Variants in LUC7L observed in about 807,000 individuals in gnomAD.
LUC7L encodes LUC7 like.
LUC7L carries 29 observed loss-of-function variants against 51.1 expected under a neutral mutation model. The ratio of observed to expected loss-of-function variants is 0.57; its 90% confidence interval spans 0.42 to 0.77. The LOEUF is 0.77. LUC7L is among the 30% of genes least tolerant of loss of function. The pLI is 0.00. For missense variants in LUC7L, 403 were observed against 511.9 expected (o/e 0.79, Z 2.05); for synonymous variants, 181 against 180.7 (o/e 1.00, Z -0.01).
At chr16:200,166 T>C (rs1057162609) in intron 5 of LUC7L, among the ~76,000 whole-genome samples, 8 of 152,012 alleles carry the variant, frequency 5.3e-5, no homozygotes, top group African/African-American at 1.9e-4. Flanking sequence ...CTCACGCCTG[T>C]AATCCCAGCA....
intron 6 of LUC7L, among the ~76,000 whole-genome samples, chr16:196,509 A>T (rs945069848): frequency 6.9e-6 from 1 of 144,218 alleles, no homozygotes; most frequent in African/African-American, 2.5e-5. Context: ...TGGGAAAGTA[A>T]CATTTCCAGT....
At chr16:219,532 TCATGCTG>T (rs2049905945) in intron 3 of LUC7L, among the ~76,000 whole-genome samples, 1 of 152,134 alleles carries the variant, frequency 6.6e-6, no homozygotes. Context: ...TCAGCTATAA[TCATGCTG>T]CTGCACTCCA....
At chr16:192,832 G>T in intron 7 of LUC7L, 95 bp downstream of exon 7, 1 of 1,085,176 alleles carries the variant, frequency 9.2e-7, no homozygotes, top group Non-Finnish European at 1.4e-6. Context: ...CGGCCTATTG[G>T]GCAGGCCCTG....
intron 6 of LUC7L, among the ~76,000 whole-genome samples, chr16:197,252 C>G (rs2142048753): frequency 8.3e-6 from 1 of 121,160 alleles, no homozygotes; most frequent in African/African-American, 3.2e-5. Flanking sequence ...CTTGCTCTGT[C>G]TCGTAGGCTG....
chr16:193,597 A>T (rs2049070661), intron 6 of LUC7L, among the ~76,000 whole-genome samples: 1 of 151,272 alleles, frequency 6.6e-6, no homozygotes, highest in Non-Finnish European at 1.5e-5. Context: ...CCTGGGTTCA[A>T]GCGATTCTTC....
chr16:201,517 AC>A (rs796371045), intron 5 of LUC7L, among the ~76,000 whole-genome samples: 37 of 150,490 alleles, frequency 2.5e-4, no homozygotes, highest in African/African-American at 8.5e-4. Flanking sequence ...TCAGCTCACT[AC>A]AAGCTCTGCC....
intron 5 of LUC7L, among the ~76,000 whole-genome samples, chr16:205,548 C>T (rs755402698): frequency 2.0e-5 from 3 of 152,130 alleles, no homozygotes; most frequent in Admixed American, 1.3e-4. Context: ...TCTGTACTTT[C>T]CTCTCAATTT....
chr16:201,188 A>AG lies in LUC7L; in HGVS notation c.511-1951dup, dbSNP rs2049314265. Among the ~76,000 whole-genome samples the AG allele has an allele frequency of 2.1e-5, 3 of 145,722 alleles. 1 individual carries two copies. Among genetic ancestry groups the AG allele is most frequent in the African/African-American group, 2.5e-5 (1 of 39,698 alleles). Reference sequence around the variant, plus strand: ...TGTCTGAGAAAAAAAAAAAAAAAAAAGTAGACAAGGAACTAGCAAGAACTT... The same window carrying AG: ...TGTCTGAGAAAAAAAAAAAAAAAAAAGGTAGACAAGGAACTAGCAAGAACTT... On this transcript the variant is annotated intron_variant, in intron 5 of 9. Transcript: ENST00000293872.
chr16:229,388 A>C lies in LUC7L; in HGVS notation c.-49T>G. On this transcript the variant is annotated 5_prime_UTR_variant, in exon 1 of 10. Transcript: ENST00000293872. ...TCGGCCGCGACGACTTCTCTCAGGC[A>C]GGCGGTGGCAGCGGCGTCGACAAAC... The C allele has an allele frequency of 7.0e-7, 1 of 1,431,586 alleles. No individual in the cohort carries two copies. 88.7% of individuals were successfully genotyped at this position (1,431,586 alleles called of 1,614,324 possible). A position where few individuals can be genotyped will look rare whatever the true frequency, so the allele number is the denominator to read the frequency against.
Position 190,067 on chromosome 16 carries a change from C to G in LUC7L, c.875G>C (p.Arg292Pro). 1 of 1,613,594 alleles carries G rather than the reference C, an allele frequency of 6.2e-7. No homozygotes were observed. Among genetic ancestry groups the G allele is most frequent in the Non-Finnish European group, 8.5e-7 (1 of 1,180,004 alleles). The change falls in exon 9 of 10, where the codon CGG becomes CCG. Residue 292 changes from arginine to proline, a missense_variant. Physicochemically the swap from Arg to Pro is moderately radical, Grantham distance 103 (BLOSUM62 -2). Coordinates refer to ENST00000293872, the MANE Select transcript of LUC7L (RefSeq NM_201412.3). Reference protein sequence around the residue: ...STSRERRKLSRSRSRDRHRRH... With the variant: ...STSRERRKLSPSRSRDRHRRH... The stretch of plus-strand genomic sequence containing the variant: ...CCGATGTCTATCTCGGGACCGGGAC[C>G]GGGACAATTTCCGTCGCTCTCGGGA...
chr16:216,035 C>T (rs1415248552), intron 3 of LUC7L, among the ~76,000 whole-genome samples: 1 of 151,974 alleles, frequency 6.6e-6, no homozygotes, highest in Non-Finnish European at 1.5e-5. Context: ...GGATTTCGCT[C>T]TTGTTGCCCA....
chr16:216,885 G>A (rs1401091360), intron 3 of LUC7L, among the ~76,000 whole-genome samples: 1 of 151,646 alleles, frequency 6.6e-6, no homozygotes, highest in Admixed American at 6.6e-5. Flanking sequence ...TTGTAGAGAC[G>A]GGGTTTCCCC....
chr16:215,557 T>C (rs900810070), intron 3 of LUC7L, among the ~76,000 whole-genome samples: 95 of 149,702 alleles, frequency 6.3e-4, no homozygotes, highest in African/African-American at 2.3e-3. Flanking sequence ...CAGGCGGAGG[T>C]TGCAGTGAGC....
At chr16:214,044 G>C (rs1015438130) in intron 3 of LUC7L, among the ~76,000 whole-genome samples, 1 of 151,460 alleles carries the variant, frequency 6.6e-6, no homozygotes, top group Non-Finnish European at 1.5e-5. Flanking sequence ...TTTATATTTT[G>C]TGTCTTTGTT....
At chr16:206,193 T>G in intron 4 of LUC7L, 46 bp from the exon 5 acceptor site, 3 of 1,586,612 alleles carry the variant, frequency 1.9e-6, no homozygotes, top group Non-Finnish European at 2.6e-6. Context: ...AAAATGAAAG[T>G]GAATGCAAAG....
At chr16:190,914 A>C in intron 7 of LUC7L, 1 of 215,240 alleles carries the variant, frequency 4.6e-6, no homozygotes, top group Non-Finnish European at 9.1e-6. Flanking sequence ...GACTTCCCGA[A>C]AGCACCCCTA....
chr16:196,288 G>A (rs547460930), intron 6 of LUC7L, among the ~76,000 whole-genome samples: 16 of 152,020 alleles, frequency 1.1e-4, no homozygotes, highest in African/African-American at 3.6e-4. Context: ...CACGCCTATA[G>A]TACCAGCTAC....
intron 5 of LUC7L, among the ~76,000 whole-genome samples, chr16:201,262 A>C (rs1333317335): frequency 2.0e-5 from 3 of 151,200 alleles, no homozygotes; most frequent in African/African-American, 7.3e-5. Context: ...AAAAAAAAAA[A>C]AAAACTTAAG....
intron 1 of LUC7L, chr16:228,840 C>G: frequency 3.1e-6 from 4 of 1,294,324 alleles, no homozygotes; most frequent in Non-Finnish European, 3.0e-6. Context: ...AGAACCAGAG[C>G]GGGCCAGGTT....
Sources: allele counts gnomAD v4.1 joint callset (sites outside exome capture counted in the v4.1 genomes callset), GRCh38; gene constraint gnomAD v4.1.1; transcripts MANE v1.5; gene names NCBI Gene and HGNC (gene_info 2026-07-23, HGNC 2026-07-21).